Variants in SLC25A21 observed in about 807,000 individuals in gnomAD.
SLC25A21 encodes solute carrier family 25 member 21.
SLC25A21 carries 47 observed loss-of-function variants against 43.8 expected under a neutral mutation model. The observed-to-expected ratio is 1.07, with a 90% confidence interval of 0.85 to 1.37. SLC25A21 has a LOEUF of 1.37. Among genes scored for constraint, SLC25A21 ranks in the 40% most tolerant of loss-of-function variants. The pLI is 0.00. For missense variants in SLC25A21, 352 were observed against 350.2 expected, an observed-to-expected ratio of 1.00 and a Z score of -0.04; for synonymous variants, 131 against 121.3, an observed-to-expected ratio of 1.08 and a Z score of -0.52.
rs1393672911 is a variant in SLC25A21 at position 36,678,990 on chromosome 14, T to C, written c.*1668A>G. The C allele has an allele frequency of 4.1e-6, 4 of 974,784 alleles. No homozygotes were observed. The African/African-American group carries it at 7.4e-5, about 18-fold the overall frequency. 60.4% of individuals were successfully genotyped at this position (974,784 alleles called of 1,614,324 possible). ...TTAATGTTGACATATTTCCTCTATC[T>C]CATAGATGGTAAAAGTGTTGCTTTT... On this transcript the variant is annotated 3_prime_UTR_variant, in exon 10 of 10. Coordinates refer to ENST00000331299, the MANE Select transcript of SLC25A21 (RefSeq NM_030631.4).
intron 1 of SLC25A21, among the ~76,000 whole-genome samples, chr14:36,990,845 C>T (rs968274029): frequency 4.6e-5 from 7 of 151,738 alleles, no homozygotes; most frequent in Non-Finnish European, 1.0e-4. Flanking sequence ...TGCACCACTG[C>T]GCTCCAGCCT....
At chr14:36,710,546 T>C (rs550541615) in intron 7 of SLC25A21, among the ~76,000 whole-genome samples, 1 of 152,216 alleles carries the variant, frequency 6.6e-6, no homozygotes, top group East Asian at 1.9e-4. Flanking sequence ...TCCTCCCACC[T>C]CAGCCTCCCG....
rs1882174740 is a variant in SLC25A21, at chr14:36,680,386, A to G, written c.*272T>C. 1.9e-6 allele frequency: 2 copies of G among 1,066,326 alleles called. No individual in the cohort carries two copies. Among genetic ancestry groups the G allele is most frequent in the Non-Finnish European group, 2.3e-6 (2 of 877,610 alleles). 66.1% of individuals were successfully genotyped at this position (1,066,326 alleles called of 1,614,324 possible). On this transcript the variant is annotated 3_prime_UTR_variant, in exon 10 of 10. Transcript: ENST00000331299. ...ACAAAGTTTCTATTTATTTTATGAA[A>G]TAAATATATGATTTCTATGCTATTT...
intron 3 of SLC25A21, among the ~76,000 whole-genome samples, chr14:36,735,839 C>A (rs1885012273): frequency 7.0e-6 from 1 of 143,400 alleles, no homozygotes; most frequent in African/African-American, 2.6e-5. Flanking sequence ...TTGTATATAA[C>A]CAGGACACAA....
chr14:36,855,092 G>A (rs568332074), intron 2 of SLC25A21, among the ~76,000 whole-genome samples: 1 of 152,132 alleles, frequency 6.6e-6, no homozygotes, highest in East Asian at 1.9e-4. Flanking sequence ...TCTGAACAAT[G>A]TCAGTAAAGT....
chr14:36,684,164 C>CT (rs1417923363), intron 8 of SLC25A21, among the ~76,000 whole-genome samples: 1 of 152,196 alleles, frequency 6.6e-6, no homozygotes, highest in East Asian at 1.9e-4. Flanking sequence ...TTCAAGACAG[C>CT]TGTGTATATG....
chr14:36,680,157 T>G lies in SLC25A21; in HGVS notation c.*501A>C. 2.4e-6 allele frequency: 2 copies of G among 845,896 alleles called. No homozygotes were observed. Among genetic ancestry groups the G allele is most frequent in the South Asian group, 1.1e-4 (2 of 18,172 alleles). The allele number at this position is 845,896 out of a possible 1,614,324, so 52.4% of individuals were successfully genotyped here. On this transcript the variant is annotated 3_prime_UTR_variant, in exon 10 of 10. Transcript: ENST00000331299. ...GTCATTTTAGTGCACTTTAAAAAAT[T>G]TTTCTTGTGCTCTTTAAATATTATT...
chr14:36,841,310 T>C (rs959597233), intron 2 of SLC25A21, among the ~76,000 whole-genome samples: 3 of 152,232 alleles, frequency 2.0e-5, no homozygotes, highest in Admixed American at 1.3e-4. Context: ...AATCTGGAGC[T>C]TCCAATTCTA....
chr14:36,975,943 C>T (rs1258404410), intron 1 of SLC25A21, among the ~76,000 whole-genome samples: 2 of 152,174 alleles, frequency 1.3e-5, no homozygotes, highest in Admixed American at 6.5e-5. Flanking sequence ...GCTACTGTTG[C>T]GGGAGGCCGA....
rs1013181957 is a variant in SLC25A21, at chr14:36,978,864, T to G, written c.71-103860A>C. Among the ~76,000 whole-genome samples the G allele has an allele frequency of 3.9e-5, 6 of 152,170 alleles. 1 individual carries two copies. Among genetic ancestry groups the G allele is most frequent in the African/African-American group, 9.7e-5 (4 of 41,448 alleles). ...GCTAGGAGTGCTAATATCAACCCGC[T>G]GTTCTAAGTCTTCAAAAAAAGTTTA... On this transcript the variant is annotated intron_variant, in intron 1 of 9. Transcript: ENST00000331299.
At chr14:36,696,692 G>C (rs963380287) in intron 7 of SLC25A21, among the ~76,000 whole-genome samples, 45 of 152,270 alleles carry the variant, frequency 3.0e-4, no homozygotes, top group Admixed American at 1.4e-3. Context: ...TAGTTTATTT[G>C]CGTAGAGGTG....
At chr14:36,711,006 T>C (rs950886030) in intron 7 of SLC25A21, among the ~76,000 whole-genome samples, 1 of 152,164 alleles carries the variant, frequency 6.6e-6, no homozygotes. Context: ...AGAAATTCCT[T>C]TTAGTAATAA....
At chr14:36,769,005 A>G (rs1294672792) in intron 3 of SLC25A21, among the ~76,000 whole-genome samples, 2 of 151,688 alleles carry the variant, frequency 1.3e-5, no homozygotes, top group Non-Finnish European at 2.9e-5. Flanking sequence ...TTACTGTAAC[A>G]ATCACTTCAA....
chr14:36,680,604 G>A lies in SLC25A21; in HGVS notation c.*54C>T. On this transcript the variant is annotated 3_prime_UTR_variant, in exon 10 of 10. Transcript: ENST00000331299. ...CGATCGATAGTCTCTCTTCTTCATG[G>A]TGCTGCATAGCAAATATCCATTATC... is the stretch of plus-strand genomic sequence containing the variant. The A allele has an allele frequency of 6.3e-7, 1 of 1,599,608 alleles. No individual in the cohort carries two copies. The highest frequency in any genetic ancestry group is 2.3e-5 in the East Asian group (1 of 44,248).
chr14:36,970,528 G>C (rs1432141155), intron 1 of SLC25A21, among the ~76,000 whole-genome samples: 1 of 152,078 alleles, frequency 6.6e-6, no homozygotes, highest in Non-Finnish European at 1.5e-5. Flanking sequence ...ACAATAACTA[G>C]AGGGAATTAA....
At chr14:36,851,292 C>A (rs183891947) in intron 2 of SLC25A21, among the ~76,000 whole-genome samples, 1 of 152,252 alleles carries the variant, frequency 6.6e-6, no homozygotes, top group Admixed American at 6.5e-5. Flanking sequence ...TGGTGAGCTC[C>A]TGTTCAACCG....
rs536113713 is a variant in SLC25A21 at position 36,897,108 on chromosome 14, C to G, written c.71-22104G>C. On this transcript the variant is annotated intron_variant, in intron 1 of 9. Coordinates refer to ENST00000331299, the MANE Select transcript of SLC25A21 (RefSeq NM_030631.4). ...CCTGCCTTGCTAGATTGGGGAAGTT[C>G]TCCTGGATTATATCCTGCAGAGTGT... is the stretch of plus-strand genomic sequence containing the variant. 7.2e-5 allele frequency among the ~76,000 whole-genome samples: 11 copies of G among 152,326 alleles called. No individual in the cohort carries two copies. In the South Asian group the frequency reaches 2.3e-3, roughly 32 times the overall value.
intron 1 of SLC25A21, among the ~76,000 whole-genome samples, chr14:36,894,406 C>G (rs536763602): frequency 2.6e-5 from 4 of 152,184 alleles, no homozygotes; most frequent in African/African-American, 9.7e-5. Flanking sequence ...TGAGATTTTG[C>G]TGAATTTGCC....
chr14:36,973,535 T>G (rs150644041), intron 1 of SLC25A21, among the ~76,000 whole-genome samples: 2 of 152,188 alleles, frequency 1.3e-5, no homozygotes, highest in African/African-American at 4.8e-5. Context: ...GGGACACCGA[T>G]GGAAAGGTGT....
Sources: allele counts gnomAD v4.1 joint callset (sites outside exome capture counted in the v4.1 genomes callset), GRCh38; gene constraint gnomAD v4.1.1; transcripts MANE v1.5; gene names NCBI Gene and HGNC (gene_info 2026-07-23, HGNC 2026-07-21).